ATP6V1F: variants seen among roughly 807,000 people sequenced by gnomAD.
ATP6V1F encodes V-type proton ATPase subunit F.
In ATP6V1F, 4 loss-of-function variants were observed where a neutral mutation model predicts 6.6. That is an observed-to-expected ratio of 0.60 (90% confidence interval 0.30 to 1.38). The LOEUF is 1.38. ATP6V1F is among the 40% of genes most tolerant of loss of function. ATP6V1F has a pLI of 0.08. For missense variants in ATP6V1F, 136 were observed against 165.5 expected, an observed-to-expected ratio of 0.82 and a Z score of 0.98; for synonymous variants, 68 against 66.9, an observed-to-expected ratio of 1.02 and a Z score of -0.08.
intron 1 of ATP6V1F, among the ~76,000 whole-genome samples, chr7:128,863,976 G>C (rs1281605318): frequency 6.6e-6 from 1 of 152,206 alleles, no homozygotes; most frequent in African/African-American, 2.4e-5. Context: ...CCAACCAAAA[G>C]GGACCTCAGA....
chr7:128,864,625 G>A (rs1406458721), intron 1 of ATP6V1F, among the ~76,000 whole-genome samples: 2 of 148,828 alleles, frequency 1.3e-5, no homozygotes, highest in African/African-American at 5.0e-5. Flanking sequence ...TCTGAGACAG[G>A]GTCTCACTCC....
In ATP6V1F at chr7:128,865,466, A is replaced by G. The variant is rs1356775656; in HGVS notation, c.248A>G (p.Gln83Arg). 1.2e-6 allele frequency: 2 copies of G among 1,614,172 alleles called. No individual in the cohort carries two copies. Among genetic ancestry groups the G allele is most frequent in the Non-Finnish European group, 1.7e-6 (2 of 1,180,024 alleles). Residue 83 changes from glutamine to arginine, a missense_variant, in exon 2 of 2, where the codon CAG becomes CGG. By Grantham distance (43) the Gln-to-Arg change is conservative. Coordinates refer to ENST00000249289, the MANE Select transcript of ATP6V1F (RefSeq NM_004231.4). The surrounding 1 kb of genome is among the most constrained non-coding windows in gnomAD (Gnocchi z 4.4). ...CGGCATGCCCTGGACGCCCACCAGC[A>G]GTCCATCCCCGCTGTCCTGGAGATC... Reference protein sequence around the residue: ...MVRHALDAHQQSIPAVLEIPS... With the variant: ...MVRHALDAHQRSIPAVLEIPS...
At position 128,865,631 on chromosome 7, in the gene ATP6V1F, C is replaced by G; in HGVS notation, c.*53C>G. On this transcript the variant is annotated 3_prime_UTR_variant, in exon 2 of 2. Coordinates refer to ENST00000249289, the MANE Select transcript of ATP6V1F (RefSeq NM_004231.4). This position sits in a 1 kb window ranked among gnomAD's most constrained non-coding sequence, Gnocchi z 4.4. ...CCTCGTTTCCAGGCCTCTCCCCAGGCTTGCCATCAGCCTTCTTTACTTTTT... is the reference window on the plus strand; with the variant it reads ...CCTCGTTTCCAGGCCTCTCCCCAGGGTTGCCATCAGCCTTCTTTACTTTTT... 1 of 1,535,484 alleles carries G rather than the reference C, an allele frequency of 6.5e-7. No individual in the cohort carries two copies. The highest frequency in any genetic ancestry group is 8.8e-7 in the Non-Finnish European group (1 of 1,131,042).
chr7:128,863,026 A>C lies in ATP6V1F; in HGVS notation c.122A>C (p.Lys41Thr), dbSNP rs1809302334. ...NRHPNFLVVEKDTTINEIEDT... is the reference protein window; with the variant it reads ...NRHPNFLVVETDTTINEIEDT... Reference sequence around the variant, plus strand: ...CATCCCAATTTCCTGGTGGTGGAGAAGGATACAACCATCAATGAGATCGAA... The same window carrying C: ...CATCCCAATTTCCTGGTGGTGGAGACGGATACAACCATCAATGAGATCGAA... The change falls in exon 1 of 2, where the codon AAG (lysine) becomes ACG (threonine). Residue 41 changes from lysine (K) to threonine (T), a missense_variant. By Grantham distance (78) the Lys-to-Thr change is moderately conservative (BLOSUM62 -1). Coordinates refer to ENST00000249289, the MANE Select transcript of ATP6V1F (RefSeq NM_004231.4). The C allele has an allele frequency of 6.2e-7, 1 of 1,613,394 alleles. No homozygotes were observed. The highest frequency in any genetic ancestry group is 8.5e-7 in the Non-Finnish European group (1 of 1,179,666).
Position 128,865,065 on chromosome 7 carries a change from A to G in ATP6V1F, c.159-312A>G, listed in dbSNP as rs1218747920. ...TAATCTTATCCTTCCCCTTTCTGAC[A>G]CATCACTGCATATTGAATACACCAG... On this transcript the variant is annotated intron_variant, in intron 1 of 1. Coordinates refer to ENST00000249289, the MANE Select transcript of ATP6V1F (RefSeq NM_004231.4). This position sits in a 1 kb window ranked among gnomAD's most constrained non-coding sequence, Gnocchi z 4.4. The G allele has an allele frequency of 7.3e-7, 1 of 1,371,746 alleles. No homozygotes were observed. The highest frequency in any genetic ancestry group is 1.0e-6 in the Non-Finnish European group (1 of 997,386). The allele number at this position is 1,371,746 out of a possible 1,614,324, so 85.0% of individuals were successfully genotyped here.
At chr7:128,863,147 G>GT (rs1431871476) in intron 1 of ATP6V1F, 85 bp downstream of exon 1, 2 of 1,511,632 alleles carry the variant, frequency 1.3e-6, no homozygotes, top group East Asian at 5.1e-5. Flanking sequence ...GGACGGGGGT[G>GT]AGGGGACGAT....
rs1563007788 is a variant in ATP6V1F at position 128,862,876 on chromosome 7, T to TC, written c.-28dup. On this transcript the variant is annotated 5_prime_UTR_variant, in exon 1 of 2. Coordinates refer to ENST00000249289, the MANE Select transcript of ATP6V1F (RefSeq NM_004231.4). The stretch of plus-strand genomic sequence containing the variant: ...GCGGGGTTTCAGTGGCTTCTGGTGC[T>TC]CTAGGGTGAGCTCTGCCCGGCTGCA... The TC allele has an allele frequency of 6.5e-7, 1 of 1,541,318 alleles. No homozygotes were observed. Among genetic ancestry groups the TC allele is most frequent in the Non-Finnish European group, 8.7e-7 (1 of 1,144,286 alleles).
At chr7:128,863,391 T>G (rs2128941666) in intron 1 of ATP6V1F, among the ~76,000 whole-genome samples, 1 of 152,366 alleles carries the variant, frequency 6.6e-6, no homozygotes, top group African/African-American at 2.4e-5. Context: ...GGATGATTTT[T>G]GTCCTACTCA....
intron 1 of ATP6V1F, among the ~76,000 whole-genome samples, chr7:128,864,598 C>CTT (rs563759628): frequency 1.8e-4 from 24 of 135,844 alleles, no homozygotes; most frequent in Non-Finnish European, 2.5e-4. Flanking sequence ...GTTAATGTGT[C>CTT]TTTTTTTTTT....
chr7:128,864,753 T>G (rs964338541), intron 1 of ATP6V1F: 2 of 204,524 alleles, frequency 9.8e-6, no homozygotes, highest in African/African-American at 4.7e-5. Context: ...GCTTCCCAAG[T>G]AGCTGGCACA....
At chr7:128,864,598 CT>C (rs563759628) in intron 1 of ATP6V1F, among the ~76,000 whole-genome samples, 13,153 of 135,754 alleles carry the variant, frequency 0.097, 911 homozygotes, top group East Asian at 0.31. Context: ...GTTAATGTGT[CT>C]TTTTTTTTTT....
intron 1 of ATP6V1F, among the ~76,000 whole-genome samples, chr7:128,864,168 A>G (rs1000842254): frequency 3.3e-5 from 5 of 151,992 alleles, no homozygotes; most frequent in Admixed American, 3.3e-4. Context: ...ATATGGTGAA[A>G]CCCCATTTCT....
At chr7:128,863,489 T>C (rs1472147) in intron 1 of ATP6V1F, among the ~76,000 whole-genome samples, 50,707 of 151,982 alleles carry the variant, frequency 0.33, 10,966 homozygotes, top group African/African-American at 0.61. Flanking sequence ...GAACCCAATC[T>C]CAACCCTTTC....
intron 1 of ATP6V1F, chr7:128,864,837 AT>A (rs56350234): frequency 5.7e-5 from 20 of 351,546 alleles, no homozygotes; most frequent in Non-Finnish European, 1.1e-4. Context: ...ACATCCAGCC[AT>A]TTTTTTGTGT....
intron 1 of ATP6V1F, among the ~76,000 whole-genome samples, chr7:128,863,779 C>T (rs1436959411): frequency 1.3e-5 from 2 of 152,178 alleles, no homozygotes; most frequent in African/African-American, 4.8e-5. Context: ...CAGGAATAAA[C>T]CACTCACCTG....
chr7:128,865,642 C>A lies in ATP6V1F; in HGVS notation c.*64C>A. 6.7e-7 allele frequency: 1 copy of A among 1,496,818 alleles called. No homozygotes were observed. Among genetic ancestry groups the A allele is most frequent in the Non-Finnish European group, 9.0e-7 (1 of 1,106,898 alleles). 92.7% of individuals were successfully genotyped at this position (1,496,818 alleles called of 1,614,324 possible). On this transcript the variant is annotated 3_prime_UTR_variant, in exon 2 of 2. Transcript: ENST00000249289. This position sits in a 1 kb window ranked among gnomAD's most constrained non-coding sequence, Gnocchi z 4.4. ...GGCCTCTCCCCAGGCTTGCCATCAG[C>A]CTTCTTTACTTTTTGAGCCTCTGAT...
In ATP6V1F at chr7:128,865,759, T is replaced by C. The variant is rs1809381408; in HGVS notation, c.*181T>C. On this transcript the variant is annotated 3_prime_UTR_variant, in exon 2 of 2. Transcript: ENST00000249289. This position sits in a 1 kb window ranked among gnomAD's most constrained non-coding sequence, Gnocchi z 4.4. ...TCTGCTGGTTAAGGAACAGGAAGCCTGACCATCTCCCTCCACTACCTCTTC... is the reference window on the plus strand; with the variant it reads ...TCTGCTGGTTAAGGAACAGGAAGCCCGACCATCTCCCTCCACTACCTCTTC... 4.8e-6 allele frequency: 3 copies of C among 625,694 alleles called. No homozygotes were observed. Among genetic ancestry groups the C allele is most frequent in the Non-Finnish European group, 8.3e-6 (3 of 360,704 alleles). 38.8% of individuals were successfully genotyped at this position (625,694 alleles called of 1,614,324 possible). A position where few individuals can be genotyped will look rare whatever the true frequency, so the allele number is the denominator to read the frequency against.
At chr7:128,864,781 ATT>A (rs113382359) in intron 1 of ATP6V1F, 7 of 192,042 alleles carry the variant, frequency 3.6e-5, no homozygotes, top group South Asian at 9.1e-5. Flanking sequence ...ACATCCAGCC[ATT>A]TTTTTTTTGT....
At position 128,865,533 on chromosome 7, in the gene ATP6V1F, C is replaced by T. The variant is rs1242932446; in HGVS notation, c.315C>T (p.Ile105=). 1.2e-6 allele frequency: 2 copies of T among 1,614,080 alleles called. No homozygotes were observed. ...EHPYDAAKDS[I]LRRARGMFTA... Reference sequence around the variant, plus strand: ...CATATGACGCCGCCAAGGACTCCATCCTGCGCAGGGCCAGGGGCATGTTCA... The same window carrying T: ...CATATGACGCCGCCAAGGACTCCATTCTGCGCAGGGCCAGGGGCATGTTCA... Residue 105 remains isoleucine, a synonymous_variant, in exon 2 of 2, where the codon ATC becomes ATT. Coordinates refer to ENST00000249289, the MANE Select transcript of ATP6V1F (RefSeq NM_004231.4). This position sits in a 1 kb window ranked among gnomAD's most constrained non-coding sequence, Gnocchi z 4.4.
Sources: gnomAD v4.1 joint callset for allele counts (sites outside exome capture counted in the v4.1 genomes callset) on GRCh38, gnomAD v4.1.1 for gene constraint, Gnocchi (gnomAD v3.1) non-coding constraint, MANE v1.5 for transcripts, NCBI Gene and HGNC (gene_info 2026-07-23, HGNC 2026-07-21) for gene names.